SGCD: variants seen among roughly 807,000 people sequenced by gnomAD.
SGCD encodes the protein delta-sarcoglycan.
Under a neutral mutation model 36.6 loss-of-function variants are expected in SGCD, and 18 were observed. That is an observed-to-expected ratio of 0.49 (90% CI 0.34 to 0.73). The LOEUF (loss-of-function observed/expected upper bound fraction) is 0.73, where lower values mean the gene tolerates loss of function less well. SGCD is among the 30% of genes least tolerant of loss of function. The probability of loss-of-function intolerance (pLI) is 0.01; values close to 1 mark genes in which losing one functional copy is unlikely to be tolerated. For synonymous variants in SGCD, 133 were observed against 130.6 expected (o/e 1.02, Z -0.12); for missense variants, 387 against 346.7 (o/e 1.12, Z -0.92).
At chr5:155,800,480 G>A in the SGCD span, among the ~76,000 whole-genome samples, 13 of 152,092 alleles carry the variant, frequency 8.5e-5, no homozygotes, top group South Asian at 1.0e-3. Flanking sequence ...TTCTGTATTC[G>A]CTTGAAGGTG....
chr5:156,368,410 A>C (rs1194690695), intron 3 of SGCD, among the ~76,000 whole-genome samples: 1 of 152,172 alleles, frequency 6.6e-6, no homozygotes, highest in African/African-American at 2.4e-5. Flanking sequence ...GCTTTTTAGC[A>C]CATAATTGTG....
At chr5:156,403,046 G>C (rs1218525210) in intron 3 of SGCD, among the ~76,000 whole-genome samples, 3 of 152,136 alleles carry the variant, frequency 2.0e-5, no homozygotes, top group African/African-American at 7.2e-5. Context: ...AGGAGTTTAT[G>C]TTTATCCTAA....
chr5:156,381,608 C>A (rs1167289412), intron 3 of SGCD, among the ~76,000 whole-genome samples: 1 of 152,100 alleles, frequency 6.6e-6, no homozygotes, highest in African/African-American at 2.4e-5. Flanking sequence ...AATCATTATG[C>A]ATTTTATATT....
chr5:156,256,250 G>T (rs1431232704), intron 3 of SGCD, among the ~76,000 whole-genome samples: 1 of 152,166 alleles, frequency 6.6e-6, no homozygotes, highest in South Asian at 2.1e-4. Context: ...TTAAGCACTT[G>T]AATTGAGTTT....
the SGCD span, among the ~76,000 whole-genome samples, chr5:155,741,396 C>A: frequency 6.6e-6 from 1 of 152,060 alleles, no homozygotes; most frequent in South Asian, 2.1e-4. Context: ...GAGAGTTTTG[C>A]GGGGCCATTT....
At position 156,068,678 on chromosome 5, in the gene SGCD, G is replaced by A. The variant is rs532068392; in HGVS notation, c.-281-49200G>A. On this transcript the variant is annotated intron_variant, in intron 1 of 9. Transcript: ENST00000517913. Reference sequence around the variant, plus strand: ...GGGTCAAATGGTATTTCTAGTTCTAGATCCCTCAGGAATCGCCACACTGAC... The same window carrying A: ...GGGTCAAATGGTATTTCTAGTTCTAAATCCCTCAGGAATCGCCACACTGAC... Among the ~76,000 whole-genome samples, 1,011 of 151,844 alleles carry A rather than the reference G, an allele frequency of 6.7e-3. 6 individuals carry two copies. Among genetic ancestry groups the A allele is most frequent in the African/African-American group, 0.023 (935 of 41,188 alleles).
At chr5:156,130,265 G>A (rs1210073053) in intron 3 of SGCD, among the ~76,000 whole-genome samples, 1 of 152,008 alleles carries the variant, frequency 6.6e-6, no homozygotes, top group African/African-American at 2.4e-5. Flanking sequence ...TTTTTCATAT[G>A]CTTTTTGGCC....
chr5:156,517,592 AG>A (rs942435554), intron 4 of SGCD, among the ~76,000 whole-genome samples: 1 of 152,168 alleles, frequency 6.6e-6, no homozygotes, highest in Non-Finnish European at 1.5e-5. Flanking sequence ...GCAACCTGAA[AG>A]AAAGGTTCAG....
At chr5:156,655,370 C>A (rs1763632658) in intron 7 of SGCD, among the ~76,000 whole-genome samples, 1 of 152,082 alleles carries the variant, frequency 6.6e-6, no homozygotes, top group African/African-American at 2.4e-5. Flanking sequence ...AGATTTAAGG[C>A]CTCTGGCATT....
chr5:156,075,506 C>G (rs1227594989), intron 1 of SGCD, among the ~76,000 whole-genome samples: 1 of 152,006 alleles, frequency 6.6e-6, no homozygotes, highest in Non-Finnish European at 1.5e-5. Context: ...AATCCAAACC[C>G]AGATTGAGGG....
chr5:156,251,802 C>T (rs1012593302), intron 3 of SGCD, among the ~76,000 whole-genome samples: 1 of 152,120 alleles, frequency 6.6e-6, no homozygotes, highest in Non-Finnish European at 1.5e-5. Context: ...GCATGAGCCA[C>T]TGTGCCCGGC....
intron 3 of SGCD, among the ~76,000 whole-genome samples, chr5:156,475,816 C>A (rs1755154403): frequency 6.6e-6 from 1 of 152,104 alleles, no homozygotes; most frequent in Non-Finnish European, 1.5e-5. Flanking sequence ...GACAGGGTCC[C>A]AAAAGAGGAG....
intron 3 of SGCD, among the ~76,000 whole-genome samples, chr5:156,134,527 G>T (rs561203527): frequency 9.2e-5 from 14 of 151,972 alleles, no homozygotes; most frequent in Non-Finnish European, 1.5e-4. Context: ...GCACTTGCTG[G>T]TTCTTTTGCT....
chr5:156,739,728 G>C (rs172240), intron 7 of SGCD: 1 of 152,180 alleles, frequency 6.6e-6, no homozygotes, highest in African/African-American at 2.4e-5. Flanking sequence ...CTTTTAAACA[G>C]TCAGAACCAT....
At chr5:155,734,165 A>G in the SGCD span, among the ~76,000 whole-genome samples, 1 of 147,206 alleles carries the variant, frequency 6.8e-6, no homozygotes, top group Non-Finnish European at 1.5e-5. Flanking sequence ...TACTGTTATT[A>G]TATTAATTAA....
chr5:156,536,338 C>G (rs1252593457), intron 4 of SGCD, among the ~76,000 whole-genome samples: 2 of 152,138 alleles, frequency 1.3e-5, no homozygotes, highest in Non-Finnish European at 2.9e-5. Flanking sequence ...AACTACCCCA[C>G]AGCATATATT....
intron 3 of SGCD, among the ~76,000 whole-genome samples, chr5:156,383,277 G>A (rs1175039447): frequency 6.6e-6 from 1 of 152,120 alleles, no homozygotes. Flanking sequence ...GCCGAGGCAG[G>A]CAGATCACTT....
At chr5:156,588,768 C>T (rs542051986) in intron 4 of SGCD, among the ~76,000 whole-genome samples, 75 of 152,186 alleles carry the variant, frequency 4.9e-4, no homozygotes, top group Non-Finnish European at 9.3e-4. Flanking sequence ...GGTGGGTATG[C>T]CCGAGGGGCA....
At chr5:156,260,901 G>A (rs1765843158) in intron 3 of SGCD, among the ~76,000 whole-genome samples, 1 of 152,022 alleles carries the variant, frequency 6.6e-6, no homozygotes. Flanking sequence ...TAAATATTAT[G>A]CCTTTCAAAG....
Sources: allele counts gnomAD v4.1 joint callset (sites outside exome capture counted in the v4.1 genomes callset), GRCh38; gene constraint gnomAD v4.1.1; transcripts MANE v1.5; gene names NCBI Gene and HGNC (gene_info 2026-07-23, HGNC 2026-07-21).